NTM: variants seen among roughly 807,000 people sequenced by gnomAD.
NTM encodes the protein neurotrimin, also known as IgLON family member 2.
In NTM, 13 loss-of-function variants were observed where a neutral mutation model predicts 42.1. The ratio of observed to expected loss-of-function variants is 0.31; its 90% CI spans 0.20 to 0.49. The LOEUF is 0.49. NTM is among the 20% of genes least tolerant of loss of function. The probability of loss-of-function intolerance (pLI) is 0.99; values close to 1 mark genes in which losing one functional copy is unlikely to be tolerated. For missense variants in NTM, 373 were observed against 452.8 expected (o/e 0.82, Z 1.60); for synonymous variants, 187 against 179.2 (o/e 1.04, Z -0.35).
At chr11:132,230,174 T>C (rs2139019428) in intron 4 of NTM, among the ~76,000 whole-genome samples, 1 of 152,268 alleles carries the variant, frequency 6.6e-6, no homozygotes, top group East Asian at 1.9e-4. Flanking sequence ...CTCATTTGAG[T>C]ACAAAGGGAT....
intron 1 of NTM, among the ~76,000 whole-genome samples, chr11:131,800,787 C>G (rs1591951375): frequency 6.6e-6 from 1 of 152,258 alleles, no homozygotes; most frequent in South Asian, 2.1e-4. Flanking sequence ...ATCACAACCT[C>G]CAAAAACTCT....
chr11:131,529,942 A>C (rs567082924), intron 1 of NTM, among the ~76,000 whole-genome samples: 2 of 152,050 alleles, frequency 1.3e-5, no homozygotes, highest in East Asian at 3.9e-4. Flanking sequence ...TCTCCCCCTC[A>C]CACACTATTA....
At chr11:131,404,286 A>G (rs1425570172) in intron 1 of NTM, among the ~76,000 whole-genome samples, 5 of 152,122 alleles carry the variant, frequency 3.3e-5, no homozygotes, top group Admixed American at 3.3e-4. Context: ...GCAGTGCTCA[A>G]TTTCCAATCT....
intron 3 of NTM, among the ~76,000 whole-genome samples, chr11:132,186,399 A>C (rs1004139495): frequency 6.6e-6 from 1 of 152,158 alleles, no homozygotes; most frequent in African/African-American, 2.4e-5. Context: ...ATCTCCTTGG[A>C]GGGAATCCCA....
chr11:131,483,392 C>T (rs1312902032), intron 1 of NTM, among the ~76,000 whole-genome samples: 2 of 152,172 alleles, frequency 1.3e-5, no homozygotes, highest in African/African-American at 4.8e-5. Context: ...CATTACAAAC[C>T]CATTTGTAAA....
intron 1 of NTM, among the ~76,000 whole-genome samples, chr11:131,488,822 A>G (rs1954468584): frequency 6.6e-6 from 1 of 152,240 alleles, no homozygotes; most frequent in African/African-American, 2.4e-5. Context: ...CTGTGAGCTG[A>G]AAATACAAGG....
At chr11:131,916,113 G>A (rs1008302108) in intron 2 of NTM, among the ~76,000 whole-genome samples, 6 of 152,344 alleles carry the variant, frequency 3.9e-5, no homozygotes, top group South Asian at 4.1e-4. Flanking sequence ...CACGCTGTCC[G>A]TGGCTGGAGC....
chr11:131,399,820 T>C (rs1016330112), intron 1 of NTM, among the ~76,000 whole-genome samples: 10 of 152,140 alleles, frequency 6.6e-5, no homozygotes, highest in Non-Finnish European at 1.5e-4. Context: ...AGATGGCTCT[T>C]CCTCCAGCAT....
chr11:131,800,616 C>A (rs1330612684), intron 1 of NTM, among the ~76,000 whole-genome samples: 1 of 152,220 alleles, frequency 6.6e-6, no homozygotes, highest in Non-Finnish European at 1.5e-5. Flanking sequence ...TGGCTGCATA[C>A]CTAACAGATA....
chr11:131,706,351 A>G (rs2076589726), intron 1 of NTM, among the ~76,000 whole-genome samples: 1 of 151,996 alleles, frequency 6.6e-6, no homozygotes, highest in South Asian at 2.1e-4. Flanking sequence ...TAACAAAACA[A>G]AAAGGAGAAA....
intron 1 of NTM, among the ~76,000 whole-genome samples, chr11:131,768,780 G>A (rs754187115): frequency 1.8e-4 from 28 of 152,238 alleles, no homozygotes; most frequent in East Asian, 1.9e-4. Context: ...ATTATTATTC[G>A]TTGCTATAGC....
intron 2 of NTM, among the ~76,000 whole-genome samples, chr11:131,953,683 A>G (rs937030676): frequency 5.3e-5 from 8 of 152,120 alleles, no homozygotes; most frequent in Admixed American, 2.0e-4. Context: ...ACAAAATACA[A>G]AATGATCACA....
intron 1 of NTM, among the ~76,000 whole-genome samples, chr11:131,844,327 T>G (rs1192840587): frequency 6.6e-6 from 1 of 152,200 alleles, no homozygotes. Flanking sequence ...TATCGGCTTC[T>G]GTTGGTTCAT....
chr11:131,429,330 G>C (rs569944117), intron 1 of NTM, among the ~76,000 whole-genome samples: 153 of 152,230 alleles, frequency 1.0e-3, no homozygotes, highest in African/African-American at 2.6e-3. Context: ...TTCCTTCACA[G>C]TGTGCACAAG....
chr11:132,051,771 C>T (rs73587337), intron 2 of NTM, among the ~76,000 whole-genome samples: 1,814 of 152,298 alleles, frequency 0.012, 34 homozygotes, highest in African/African-American at 0.039. Context: ...AGTTCTGATC[C>T]GGAATGTGAG....
chr11:131,773,058 A>C (rs2086379718), intron 1 of NTM, among the ~76,000 whole-genome samples: 1 of 152,258 alleles, frequency 6.6e-6, no homozygotes, highest in Non-Finnish European at 1.5e-5. Flanking sequence ...TTAGAACAAA[A>C]TATCATAGAC....
intron 1 of NTM, among the ~76,000 whole-genome samples, chr11:131,515,752 A>G (rs1432782498): frequency 1.3e-5 from 2 of 152,218 alleles, no homozygotes; most frequent in Non-Finnish European, 2.9e-5. Flanking sequence ...TGGCTACTTT[A>G]GCTGCATCAG....
chr11:131,436,055 T>A (rs1949099115), intron 1 of NTM, among the ~76,000 whole-genome samples: 1 of 152,248 alleles, frequency 6.6e-6, no homozygotes, highest in African/African-American at 2.4e-5. Context: ...CATGTGGTTT[T>A]TAACGTTGGA....
At chr11:132,321,564 A>T (rs528585683) in intron 7 of NTM, among the ~76,000 whole-genome samples, 112 of 152,366 alleles carry the variant, frequency 7.4e-4, no homozygotes, top group African/African-American at 2.6e-3. Context: ...GGTGTACCTG[A>T]AAGTGATGGG....
Sources: allele counts gnomAD v4.1 joint callset (sites outside exome capture counted in the v4.1 genomes callset), GRCh38; gene constraint gnomAD v4.1.1; transcripts MANE v1.5; gene names NCBI Gene and HGNC (gene_info 2026-07-23, HGNC 2026-07-21).